MALRD1: variants seen among roughly 807,000 people sequenced by gnomAD.
MALRD1 encodes MAM and LDL-receptor class A domain-containing protein 1.
A neutral mutation model predicts 242.1 loss-of-function variants in MALRD1; 247 were observed. The ratio of observed to expected loss-of-function variants is 1.02; its 90% CI spans 0.92 to 1.13. The LOEUF (loss-of-function observed/expected upper bound fraction) is 1.13, where lower values mean the gene tolerates loss of function less well. Among genes scored for constraint, MALRD1 ranks in the 50% most tolerant of loss-of-function variants. The pLI, the probability that MALRD1 is intolerant of heterozygous loss-of-function variation, is 0.00. For missense variants in MALRD1, 2,989 were observed against 2,533.1 expected, an observed-to-expected ratio of 1.18 and a Z score of -3.86; for synonymous variants, 995 against 866.6, an observed-to-expected ratio of 1.15 and a Z score of -2.60.
intron 4 of MALRD1, among the ~76,000 whole-genome samples, chr10:19,101,677 G>A (rs1459937151): frequency 2.3e-5 from 3 of 133,050 alleles, no homozygotes; most frequent in Non-Finnish European, 4.6e-5. Flanking sequence ...ATGTATATAA[G>A]ATATAGGTAT....
intron 31 of MALRD1, among the ~76,000 whole-genome samples, chr10:19,518,732 A>G: frequency 6.6e-6 from 1 of 152,182 alleles, no homozygotes; most frequent in East Asian, 1.9e-4. Flanking sequence ...TCTTAATAAA[A>G]TGTTTAGTTG....
intron 2 of MALRD1, among the ~76,000 whole-genome samples, chr10:19,086,520 G>T (rs1835674185): frequency 6.6e-6 from 1 of 152,068 alleles, no homozygotes; most frequent in African/African-American, 2.4e-5. Context: ...TCTAAACCAT[G>T]AGAGTCCACT....
chr10:19,238,231 A>G (rs1838497785), intron 18 of MALRD1, among the ~76,000 whole-genome samples: 1 of 68,440 alleles, frequency 1.5e-5, no homozygotes. Flanking sequence ...CATAATATAT[A>G]TTATATATAA....
intron 38 of MALRD1, among the ~76,000 whole-genome samples, chr10:19,712,155 C>G (rs1026950105): frequency 2.6e-5 from 4 of 152,202 alleles, no homozygotes; most frequent in African/African-American, 9.6e-5. Flanking sequence ...CTATGGAACA[C>G]TTGGGTCAGC....
At chr10:19,164,740 A>G (rs1834596011) in intron 12 of MALRD1, among the ~76,000 whole-genome samples, 1 of 152,170 alleles carries the variant, frequency 6.6e-6, no homozygotes. Context: ...CAATAACAGT[A>G]CGCAATTTCA....
intron 38 of MALRD1, among the ~76,000 whole-genome samples, chr10:19,697,441 T>C (rs1329989238): frequency 6.6e-6 from 1 of 151,598 alleles, no homozygotes; most frequent in African/African-American, 2.4e-5. Flanking sequence ...GTCAACTGAT[T>C]ATAAAGGTTA....
At chr10:19,395,865 C>T (rs887786131) in intron 28 of MALRD1, among the ~76,000 whole-genome samples, 2 of 152,124 alleles carry the variant, frequency 1.3e-5, no homozygotes, top group African/African-American at 2.4e-5. Flanking sequence ...TCTACTATTT[C>T]CAAGTAGGAG....
At chr10:19,718,098 A>G (rs534207392) in intron 38 of MALRD1, among the ~76,000 whole-genome samples, 29 of 97,536 alleles carry the variant, frequency 3.0e-4, no homozygotes, top group Non-Finnish European at 4.9e-4. Context: ...AAGAAGAAGA[A>G]GAGGAAGAGG....
intron 26 of MALRD1, among the ~76,000 whole-genome samples, chr10:19,360,684 A>T (rs1201517038): frequency 1.3e-5 from 2 of 152,168 alleles, no homozygotes; most frequent in Non-Finnish European, 1.5e-5. Flanking sequence ...GCTTTTGAAT[A>T]TAACAACACA....
intron 14 of MALRD1, among the ~76,000 whole-genome samples, chr10:19,176,175 A>G (rs192122803): frequency 6.6e-6 from 1 of 152,104 alleles, no homozygotes; most frequent in Admixed American, 6.6e-5. Context: ...GACATACTGT[A>G]TATTCCTAAG....
intron 36 of MALRD1, 102 bp downstream of exon 36, chr10:19,616,025 G>C: frequency 1.2e-6 from 1 of 833,840 alleles, no homozygotes; most frequent in Non-Finnish European, 1.9e-6. Flanking sequence ...TTTGTGGTTA[G>C]TAAGGTAAAA....
At chr10:19,206,465 C>G (rs1836791122) in intron 17 of MALRD1, among the ~76,000 whole-genome samples, 1 of 152,168 alleles carries the variant, frequency 6.6e-6, no homozygotes. Context: ...TTCATCTTTT[C>G]AAGCTCTCTG....
At chr10:19,403,412 A>G (rs1436137449) in intron 28 of MALRD1, among the ~76,000 whole-genome samples, 1 of 152,166 alleles carries the variant, frequency 6.6e-6, no homozygotes, top group East Asian at 1.9e-4. Flanking sequence ...ATGCTGATAC[A>G]TTTTATTTTC....
rs139275164 is a variant in MALRD1, at chr10:19,055,502, T to C, written c.199+6365T>C. Among the ~76,000 whole-genome samples the C allele has an allele frequency of 3.3e-3, 500 of 152,318 alleles. 3 individuals carry two copies. The highest frequency in any genetic ancestry group is 0.011 in the African/African-American group (471 of 41,580). On this transcript the variant is annotated intron_variant, in intron 1 of 39. Coordinates refer to ENST00000454679, the MANE Select transcript of MALRD1 (RefSeq NM_001142308.3). ...ACCAATGTCATGGAGCTTTTCTCCATCTTTGCTTTTACAGGTAGAAGTTTT... is the reference window on the plus strand; with the variant it reads ...ACCAATGTCATGGAGCTTTTCTCCACCTTTGCTTTTACAGGTAGAAGTTTT...
intron 14 of MALRD1, among the ~76,000 whole-genome samples, chr10:19,200,943 C>T (rs921648855): frequency 6.6e-6 from 1 of 151,950 alleles, no homozygotes; most frequent in Non-Finnish European, 1.5e-5. Context: ...CAATGGGCAT[C>T]CTGTTATGCC....
chr10:19,235,520 C>G (rs1838271916), intron 18 of MALRD1, among the ~76,000 whole-genome samples: 1 of 142,574 alleles, frequency 7.0e-6, no homozygotes, highest in Admixed American at 7.1e-5. Flanking sequence ...TACTAAAAAA[C>G]AAACAAAAAC....
chr10:19,530,400 A>ATATAATATTTATATAAATAT (rs1564417264), intron 31 of MALRD1, among the ~76,000 whole-genome samples: 3 of 84,214 alleles, frequency 3.6e-5, no homozygotes, highest in Admixed American at 1.6e-4. Flanking sequence ...TTATATAAAT[A>ATATAATATTTATATAAATAT]TTATATATTT....
intron 14 of MALRD1, among the ~76,000 whole-genome samples, chr10:19,175,874 G>A (rs1398007829): frequency 2.6e-5 from 4 of 152,192 alleles, no homozygotes; most frequent in African/African-American, 7.2e-5. Flanking sequence ...ATTTTTTGGA[G>A]AGAATATCAA....
chr10:19,637,538 C>T (rs1407189180), intron 36 of MALRD1, among the ~76,000 whole-genome samples: 2 of 152,136 alleles, frequency 1.3e-5, no homozygotes, highest in East Asian at 3.9e-4. Flanking sequence ...CTCCAGAATT[C>T]CAGTTGAGAG....
Sources: allele counts gnomAD v4.1 joint callset (sites outside exome capture counted in the v4.1 genomes callset), GRCh38; gene constraint gnomAD v4.1.1; transcripts MANE v1.5; gene names NCBI Gene and HGNC (gene_info 2026-07-23, HGNC 2026-07-21).